The following ACTG1 variants were observed in gnomAD, a reference collection of about 807,000 sequenced individuals.
ACTG1 encodes the protein actin, cytoplasmic 2.
A neutral mutation model predicts 34.3 loss-of-function variants in ACTG1; 14 were observed. The ratio of observed to expected loss-of-function variants is 0.41; its 90% CI spans 0.27 to 0.64. ACTG1 has a LOEUF of 0.64. Among genes scored for constraint, ACTG1 ranks in the 30% least tolerant of loss-of-function variants. The probability of loss-of-function intolerance (pLI) is 0.33; values close to 1 mark genes in which losing one functional copy is unlikely to be tolerated. For synonymous variants in ACTG1, 422 were observed against 213.9 expected, an observed-to-expected ratio of 1.97 and a Z score of -8.49; for missense variants, 233 against 529.5, an observed-to-expected ratio of 0.44 and a Z score of 5.50.
intron 3 of ACTG1, 76 bp from the exon 4 acceptor site, chr17:81,511,702 T>C (rs2031791965): frequency 9.1e-6 from 14 of 1,536,478 alleles, no homozygotes; most frequent in East Asian, 4.5e-5. Flanking sequence ...CACAACATGC[T>C]GCATGCCAGT....
Position 81,511,600 on chromosome 17 carries a change from C to G in ACTG1, c.390G>C (p.Pro130=), listed in dbSNP as rs561518636. ...CGGCCTGGATGGCCACGTACATGGCCGGGGTGTTGAAGGTCTCAAACATAA... is the reference window on the plus strand; with the variant it reads ...CGGCCTGGATGGCCACGTACATGGCGGGGGTGTTGAAGGTCTCAAACATAA... ...TQIMFETFNT[P]AMYVAIQAVL... Residue 130 remains proline, a synonymous_variant, in exon 4 of 6, where the codon CCG becomes CCC. Coordinates refer to ENST00000573283, the MANE Select transcript of ACTG1 (RefSeq NM_001614.5). The G allele has an allele frequency of 2.5e-6, 4 of 1,613,540 alleles. No homozygotes were observed. Among genetic ancestry groups the G allele is most frequent in the Non-Finnish European group, 3.4e-6 (4 of 1,179,984 alleles).
At chr17:81,512,383 A>C (rs369675938) in intron 1 of ACTG1, 23 bp from the exon 2 acceptor site, 4 of 1,613,782 alleles carry the variant, frequency 2.5e-6, no homozygotes, top group Non-Finnish European at 3.4e-6. Context: ...GGATGGACTC[A>C]GGCGGGCGCG....
rs146402466 is a variant in ACTG1 at position 81,512,101 on chromosome 17, G to C, written c.165C>G (p.Gly55=). 1 of 1,613,668 alleles carries C rather than the reference G, an allele frequency of 6.2e-7. No homozygotes were observed. The highest frequency in any genetic ancestry group is 8.5e-7 in the Non-Finnish European group (1 of 1,180,036). The part of the protein sequence containing the change: ...VGMGQKDSYV[G]DEAQSKRGIL... ...TGCCACGCTTGCTCTGGGCCTCGTC[G>C]CCCACGTAGGAGTCCTTCTGGCCCA... The change falls in exon 3 of 6, where the codon GGC becomes GGG. Residue 55 remains glycine (G), a synonymous_variant. Transcript: ENST00000573283.
At position 81,510,597 on chromosome 17, in the gene ACTG1, G is replaced by A. The variant is rs781988051; in HGVS notation, c.*93C>T. The stretch of plus-strand genomic sequence containing the variant: ...CTTTTCGAAGGCTTATTCCAGTTTC[G>A]TGAGGCTAGCATGAGGTGTGTGCAT... On this transcript the variant is annotated 3_prime_UTR_variant, in exon 6 of 6. Transcript: ENST00000573283. 64 of 1,513,706 alleles carry A rather than the reference G, an allele frequency of 4.2e-5. No individual in the cohort carries two copies. In the Middle Eastern group the frequency reaches 1.6e-3, roughly 38 times the overall value. 93.8% of individuals were successfully genotyped at this position (1,513,706 alleles called of 1,614,324 possible).
At chr17:81,512,627 T>C in intron 1 of ACTG1, 107 bp downstream of exon 1, 1 of 509,854 alleles carries the variant, frequency 2.0e-6, no homozygotes, top group African/African-American at 2.0e-5. Context: ...CGCCTTTTGT[T>C]CCCGGGGAAG....
At position 81,510,744 on chromosome 17, in the gene ACTG1, G is replaced by C; in HGVS notation, c.1074C>G (p.Ser358Arg). 1 of 1,614,082 alleles carries C rather than the reference G, an allele frequency of 6.2e-7. No homozygotes were observed. Among genetic ancestry groups the C allele is most frequent in the Non-Finnish European group, 8.5e-7 (1 of 1,180,014 alleles). The change falls in exon 6 of 6, where the codon AGC (serine) becomes AGG (arginine). Residue 358 changes from serine to arginine, a missense_variant. Coordinates refer to ENST00000573283, the MANE Select transcript of ACTG1 (RefSeq NM_001614.5). ...SLSTFQQMWI[S>R]KQEYDESGPS... ...GGCCCGACTCGTCGTACTCCTGCTT[G>C]CTAATCCACATCTGCTGGAAGGTGG...
At position 81,510,957 on chromosome 17, in the gene ACTG1, G is replaced by A. The variant is rs3211110; in HGVS notation, c.954C>T (p.Thr318=). The change falls in exon 5 of 6, where the codon ACC becomes ACT. Residue 318 remains threonine, a synonymous_variant. Coordinates refer to ENST00000573283, the MANE Select transcript of ACTG1 (RefSeq NM_001614.5). Reference sequence around the variant, plus strand: ...TCTTCATGGTGCTGGGCGCCAGGGCGGTGATCTCCTTCTGCATCCTGTCGG... The same window carrying A: ...TCTTCATGGTGCTGGGCGCCAGGGCAGTGATCTCCTTCTGCATCCTGTCGG... The part of the protein sequence containing the change: ...GIADRMQKEI[T]ALAPSTMKIK... 1.3e-4 allele frequency: 208 copies of A among 1,614,100 alleles called. 1 individual carries two copies. In the East Asian group the frequency reaches 1.6e-3, roughly 13 times the overall value.
At position 81,512,090 on chromosome 17, in the gene ACTG1, T is replaced by G. The variant is rs11549199; in HGVS notation, c.176A>C (p.Gln59Pro). Reference protein sequence around the residue: ...QKDSYVGDEAQSKRGILTLKY... With the variant: ...QKDSYVGDEAPSKRGILTLKY... ...CAGGGTCAGGATGCCACGCTTGCTC[T>G]GGGCCTCGTCGCCCACGTAGGAGTC... The change falls in exon 3 of 6, where the codon CAG (glutamine) becomes CCG (proline). Residue 59 changes from glutamine (Q) to proline (P), a missense_variant. Coordinates refer to ENST00000573283, the MANE Select transcript of ACTG1 (RefSeq NM_001614.5). The G allele has an allele frequency of 6.2e-7, 1 of 1,613,902 alleles. No individual in the cohort carries two copies. The highest frequency in any genetic ancestry group is 1.7e-5 in the Admixed American group (1 of 60,028).
chr17:81,511,296 A>G lies in ACTG1; in HGVS notation c.694T>C (p.Ser232Pro). Residue 232 changes from serine to proline, a missense_variant, in exon 4 of 6, where the codon TCC becomes CCC. Ser to Pro is a moderately conservative substitution (Grantham distance 74, BLOSUM62 -1). Coordinates refer to ENST00000573283, the MANE Select transcript of ACTG1 (RefSeq NM_001614.5). ...TAGCTCTTCTCCAGAGAAGAGGAGG[A>G]TGCGGCGGTGGCCATCTCCTGCTCG... is the stretch of plus-strand genomic sequence containing the variant. ...DFEQEMATAA[S>P]SSSLEKSYEL... 1.9e-6 allele frequency: 3 copies of G among 1,613,756 alleles called. No individual in the cohort carries two copies. The highest frequency in any genetic ancestry group is 2.5e-6 in the Non-Finnish European group (3 of 1,180,038).
intron 3 of ACTG1, 75 bp downstream of exon 3, chr17:81,511,828 A>T (rs782586702): frequency 6.2e-7 from 1 of 1,607,562 alleles, no homozygotes; most frequent in Non-Finnish European, 8.5e-7. Flanking sequence ...GAAACACTTA[A>T]ATGTCAGAAA....
rs2031686742 is a variant in ACTG1, at chr17:81,510,442, T to C, written c.*248A>G. 1 of 635,804 alleles carries C rather than the reference T, an allele frequency of 1.6e-6. No homozygotes were observed. Among genetic ancestry groups the C allele is most frequent in the Admixed American group, 2.1e-5 (1 of 46,686 alleles). The allele number at this position is 635,804 out of a possible 1,614,324, so 39.4% of individuals were successfully genotyped here. A position where few individuals can be genotyped will look rare whatever the true frequency, so the allele number is the denominator to read the frequency against. On this transcript the variant is annotated 3_prime_UTR_variant, in exon 6 of 6. Coordinates refer to ENST00000573283, the MANE Select transcript of ACTG1 (RefSeq NM_001614.5). The stretch of plus-strand genomic sequence containing the variant: ...TGACCAAGCCACACGTACTAAAGGT[T>C]GAACTCAAAGATATGTACAGGGTAT...
Position 81,511,725 on chromosome 17 carries a change from G to C in ACTG1, c.364-99C>G, listed in dbSNP as rs370068875. ...GCTGCATGCCAGTGTGATGTGTGGA[G>C]AAAAGAAAAGAACGCAGGCAGAAAC... On this transcript the variant is annotated intron_variant, in intron 3 of 5. Transcript: ENST00000573283. 88 of 1,514,142 alleles carry C rather than the reference G, an allele frequency of 5.8e-5. 1 individual carries two copies. Among genetic ancestry groups the C allele is most frequent in the Non-Finnish European group, 7.1e-5 (79 of 1,114,718 alleles). The allele number at this position is 1,514,142 out of a possible 1,614,324, so 93.8% of individuals were successfully genotyped here. A position where few individuals can be genotyped will look rare whatever the true frequency, so the allele number is the denominator to read the frequency against.
intron 5 of ACTG1, 44 bp from the exon 6 acceptor site, chr17:81,510,877 C>A (rs1555666436): frequency 1.2e-6 from 2 of 1,613,738 alleles, no homozygotes; most frequent in Admixed American, 3.3e-5. Context: ...AGAGCGCCCC[C>A]CAGTCAGCTC....
At chr17:81,511,714 T>A (rs1243860122) in intron 3 of ACTG1, 88 bp from the exon 4 acceptor site, 3 of 1,520,502 alleles carry the variant, frequency 2.0e-6, no homozygotes, top group African/African-American at 2.8e-5. Context: ...CATGCCAGTG[T>A]GATGTGTGGA....
rs782569287 is a variant in ACTG1, at chr17:81,510,554, A to G, written c.*136T>C. The G allele has an allele frequency of 1.7e-6, 2 of 1,152,006 alleles. No individual in the cohort carries two copies. Among genetic ancestry groups the G allele is most frequent in the South Asian group, 2.5e-5 (2 of 79,340 alleles). 71.4% of individuals were successfully genotyped at this position (1,152,006 alleles called of 1,614,324 possible). On this transcript the variant is annotated 3_prime_UTR_variant, in exon 6 of 6. Coordinates refer to ENST00000573283, the MANE Select transcript of ACTG1 (RefSeq NM_001614.5). Reference sequence around the variant, plus strand: ...ACAATCCAGTGCTGATATCAGATACAAGCTTCAAGGACAATTTCTTTTCGA... The same window carrying G: ...ACAATCCAGTGCTGATATCAGATACGAGCTTCAAGGACAATTTCTTTTCGA...
At chr17:81,511,815 A>C (rs1265628671) in intron 3 of ACTG1, 88 bp downstream of exon 3, 15 of 1,601,642 alleles carry the variant, frequency 9.4e-6, no homozygotes, top group Non-Finnish European at 1.3e-5. Flanking sequence ...TGGAACAGCG[A>C]AAGAAACACT....
At chr17:81,511,730 G>T in intron 3 of ACTG1, 104 bp from the exon 4 acceptor site, 3 of 1,519,098 alleles carry the variant, frequency 2.0e-6, no homozygotes, top group Non-Finnish European at 2.7e-6. Context: ...GTGGAGAAAA[G>T]AAAAGAACGC....
At position 81,510,196 on chromosome 17, in the gene ACTG1, G is replaced by C. The variant is rs782640765; in HGVS notation, c.*494C>G. 1.9e-6 allele frequency: 1 copy of C among 537,246 alleles called. No homozygotes were observed. Among genetic ancestry groups the C allele is most frequent in the East Asian group, 6.8e-5 (1 of 14,760 alleles). 33.3% of individuals were successfully genotyped at this position (537,246 alleles called of 1,614,324 possible). A position where few individuals can be genotyped will look rare whatever the true frequency, so the allele number is the denominator to read the frequency against. On this transcript the variant is annotated 3_prime_UTR_variant, in exon 6 of 6. Coordinates refer to ENST00000573283, the MANE Select transcript of ACTG1 (RefSeq NM_001614.5). ...AACAGCCCACGGTGTTCTGGCCAAA[G>C]ACATCAGCTAAGAAAGGAAACTGGG... is the stretch of plus-strand genomic sequence containing the variant.
In ACTG1 at chr17:81,511,645, C is replaced by T. The variant is rs374818782; in HGVS notation, c.364-19G>A. On this transcript the variant is annotated intron_variant, in intron 3 of 5. Transcript: ENST00000573283. ...ACATAATCTGAGAAGGGACAAGGGG[C>T]GGCTTAGTCAGGGACAGAGACCCAC... The T allele has an allele frequency of 8.7e-6, 14 of 1,609,700 alleles. No homozygotes were observed. Among genetic ancestry groups the T allele is most frequent in the Middle Eastern group, 1.6e-4 (1 of 6,062 alleles).
Sources: gnomAD v4.1 joint callset for allele counts on GRCh38, gnomAD v4.1.1 for gene constraint, MANE v1.5 for transcripts, NCBI Gene and HGNC (gene_info 2026-07-23, HGNC 2026-07-21) for gene names.